The following WWOX variants were observed in gnomAD, a reference collection of about 807,000 sequenced individuals.
WWOX encodes the protein WW domain containing oxidoreductase, also known as WW domain-containing oxidoreductase.
A neutral mutation model predicts 46.2 loss-of-function variants in WWOX; 69 were observed. That is an observed-to-expected ratio of 1.49 (90% CI 1.23 to 1.82). The LOEUF is 1.82. Among genes scored for constraint, WWOX ranks in the 40% most tolerant of loss-of-function variants. WWOX has a pLI of 0.00. For synonymous variants in WWOX, 359 were observed against 202.6 expected, an observed-to-expected ratio of 1.77 and a Z score of -6.56; for missense variants, 919 against 542.6, an observed-to-expected ratio of 1.69 and a Z score of -6.89.
At chr16:78,903,651 C>A (rs1597129627) in intron 8 of WWOX, among the ~76,000 whole-genome samples, 1 of 152,140 alleles carries the variant, frequency 6.6e-6, no homozygotes, top group Non-Finnish European at 1.5e-5. Context: ...TTTAGATTCC[C>A]TGCCTGCAGA....
chr16:79,175,552 T>C (rs2050783656), intron 8 of WWOX, among the ~76,000 whole-genome samples: 2 of 152,168 alleles, frequency 1.3e-5, no homozygotes, highest in African/African-American at 4.8e-5. Context: ...TTGATCTTCA[T>C]TCCTGGGTGA....
intron 4 of WWOX, among the ~76,000 whole-genome samples, chr16:78,132,141 C>T (rs896330533): frequency 6.6e-6 from 1 of 151,444 alleles, no homozygotes; most frequent in African/African-American, 2.4e-5. Flanking sequence ...TCTCCTGCCT[C>T]AGCCTCCCGA....
At chr16:79,142,544 C>T (rs1045380308) in intron 8 of WWOX, among the ~76,000 whole-genome samples, 1 of 152,180 alleles carries the variant, frequency 6.6e-6, no homozygotes, top group African/African-American at 2.4e-5. Flanking sequence ...GAAGAGGTAA[C>T]ATTGATCTTA....
chr16:78,665,257 C>G (rs549032971), intron 8 of WWOX, among the ~76,000 whole-genome samples: 2 of 152,236 alleles, frequency 1.3e-5, no homozygotes, highest in East Asian at 3.9e-4. Context: ...CCACATCTTG[C>G]CACGCACATC....
At chr16:78,553,081 A>G (rs1162799953) in intron 8 of WWOX, 1 of 152,184 alleles carries the variant, frequency 6.6e-6, no homozygotes, top group Non-Finnish European at 1.5e-5. Flanking sequence ...AACAATGAGA[A>G]CACATGGACA....
At chr16:78,917,058 C>G (rs929472395) in intron 8 of WWOX, among the ~76,000 whole-genome samples, 3 of 152,198 alleles carry the variant, frequency 2.0e-5, no homozygotes, top group Non-Finnish European at 2.9e-5. Context: ...CTCTTCTAAA[C>G]CACATCTTTC....
At chr16:78,137,524 A>G (rs1567592545) in intron 4 of WWOX, among the ~76,000 whole-genome samples, 1 of 152,172 alleles carries the variant, frequency 6.6e-6, no homozygotes, top group Non-Finnish European at 1.5e-5. Context: ...TGTGTCTAGG[A>G]CCAAGTTCTT....
At chr16:79,122,205 T>C (rs1165214190) in intron 8 of WWOX, among the ~76,000 whole-genome samples, 1 of 152,120 alleles carries the variant, frequency 6.6e-6, no homozygotes, top group African/African-American at 2.4e-5. Flanking sequence ...GTACCGCCTC[T>C]GGGCACAATT....
chr16:78,880,907 G>A (rs2044329069), intron 8 of WWOX, among the ~76,000 whole-genome samples: 1 of 151,624 alleles, frequency 6.6e-6, no homozygotes, highest in South Asian at 2.1e-4. Flanking sequence ...GTAGGTATAA[G>A]ACCCTGACTC....
intron 6 of WWOX, among the ~76,000 whole-genome samples, chr16:78,413,459 G>T (rs2082727361): frequency 6.6e-6 from 1 of 152,204 alleles, no homozygotes; most frequent in Admixed American, 6.5e-5. Flanking sequence ...GGGGCAGCGG[G>T]TGGATCTCAC....
At chr16:78,642,504 T>C (rs186743153) in intron 8 of WWOX, among the ~76,000 whole-genome samples, 3 of 152,312 alleles carry the variant, frequency 2.0e-5, no homozygotes, top group African/African-American at 7.2e-5. Flanking sequence ...TCAGATTCAA[T>C]GCTGCCTAGG....
intron 8 of WWOX, among the ~76,000 whole-genome samples, chr16:78,629,769 G>T (rs1400695914): frequency 6.6e-6 from 1 of 152,110 alleles, no homozygotes; most frequent in African/African-American, 2.4e-5. Flanking sequence ...CTGGGGTGCA[G>T]GGGTCTTTCA....
intron 8 of WWOX, among the ~76,000 whole-genome samples, chr16:78,983,136 C>G (rs1227963118): frequency 6.6e-6 from 1 of 152,058 alleles, no homozygotes; most frequent in Non-Finnish European, 1.5e-5. Context: ...ACATCTTTTT[C>G]CCACCAAGGC....
At position 78,807,914 on chromosome 16, in the gene WWOX, G is replaced by C. The variant is rs149481256; in HGVS notation, c.1056+375162G>C. 1.4e-4 allele frequency among the ~76,000 whole-genome samples: 21 copies of C among 152,294 alleles called. 1 individual carries two copies. The East Asian group carries it at 4.1e-3, about 29-fold the overall frequency. Reference sequence around the variant, plus strand: ...AGTAGCTACATGTACCTAACACATTGGACAGCACGGTTACAGAACGTTTTC... The same window carrying C: ...AGTAGCTACATGTACCTAACACATTCGACAGCACGGTTACAGAACGTTTTC... On this transcript the variant is annotated intron_variant, in intron 8 of 8. Coordinates refer to ENST00000566780, the MANE Select transcript of WWOX (RefSeq NM_016373.4).
At chr16:78,790,505 C>G (rs1457496536) in intron 8 of WWOX, among the ~76,000 whole-genome samples, 1 of 152,148 alleles carries the variant, frequency 6.6e-6, no homozygotes, top group East Asian at 1.9e-4. Context: ...GGTCTACCTA[C>G]AACTTTAAGA....
chr16:78,213,804 G>A (rs1446027795), intron 5 of WWOX, among the ~76,000 whole-genome samples: 5 of 152,134 alleles, frequency 3.3e-5, no homozygotes, highest in Non-Finnish European at 5.9e-5. Context: ...GCTTCATGAA[G>A]AAGGAATAAT....
chr16:78,721,816 A>C (rs2048699102), intron 8 of WWOX, among the ~76,000 whole-genome samples: 1 of 152,188 alleles, frequency 6.6e-6, no homozygotes, highest in Non-Finnish European at 1.5e-5. Flanking sequence ...CTTTCCTACG[A>C]ATAAAGAGGC....
At chr16:78,845,625 G>A (rs2052278295) in intron 8 of WWOX, among the ~76,000 whole-genome samples, 1 of 152,172 alleles carries the variant, frequency 6.6e-6, no homozygotes, top group Admixed American at 6.5e-5. Context: ...TTTATAGTCA[G>A]CCTCCACAAG....
intron 8 of WWOX, among the ~76,000 whole-genome samples, chr16:78,950,497 C>G (rs745865197): frequency 9.4e-5 from 14 of 148,676 alleles, no homozygotes; most frequent in Non-Finnish European, 1.6e-4. Context: ...AAAGACAAAG[C>G]AAACCCTGGC....
Sources: allele counts gnomAD v4.1 joint callset (sites outside exome capture counted in the v4.1 genomes callset), GRCh38; gene constraint gnomAD v4.1.1; transcripts MANE v1.5; gene names NCBI Gene and HGNC (gene_info 2026-07-23, HGNC 2026-07-21).